AEBP2: variants seen among roughly 807,000 people sequenced by gnomAD.
The protein encoded by AEBP2 is AE binding protein 2.
AEBP2 carries 10 observed loss-of-function variants against 50.8 expected under a neutral mutation model. The observed-to-expected ratio is 0.20, with a 90% CI of 0.12 to 0.33. The LOEUF (loss-of-function observed/expected upper bound fraction) is 0.33. AEBP2 is among the 10% of genes least tolerant of loss of function. The pLI is 1.00. For synonymous variants in AEBP2, 296 were observed against 261.3 expected (o/e 1.13, Z -1.28); for missense variants, 570 against 688.0 (o/e 0.83, Z 1.92).
chr12:19,494,056 T>C lies in AEBP2; in HGVS notation c.1174+70T>C, dbSNP rs1050288225. ...AAGATATCTTAGACTTTTATGCAAATCCACTTTGAACTTCAACTCCTCTTC... is the reference window on the plus strand; with the variant it reads ...AAGATATCTTAGACTTTTATGCAAACCCACTTTGAACTTCAACTCCTCTTC... On this transcript the variant is annotated intron_variant, in intron 4 of 7. Transcript: ENST00000266508. 2.8e-6 allele frequency: 4 copies of C among 1,430,690 alleles called. No homozygotes were observed. The African/African-American group carries it at 5.7e-5, about 21-fold the overall frequency. 88.6% of individuals were successfully genotyped at this position (1,430,690 alleles called of 1,614,324 possible).
intron 2 of AEBP2, among the ~76,000 whole-genome samples, chr12:19,472,581 G>A (rs992194452): frequency 9.2e-5 from 14 of 152,054 alleles, no homozygotes; most frequent in African/African-American, 2.4e-4. Context: ...TTAATATTTC[G>A]TATTCTATTT....
intron 2 of AEBP2, among the ~76,000 whole-genome samples, chr12:19,469,977 TAGG>T (rs1835010505): frequency 6.6e-6 from 1 of 152,174 alleles, no homozygotes; most frequent in African/African-American, 2.4e-5. Flanking sequence ...ATTTTAACAG[TAGG>T]AGAGTTTCTA....
intron 3 of AEBP2, among the ~76,000 whole-genome samples, chr12:19,481,642 C>T (rs1433829146): frequency 6.6e-6 from 1 of 152,008 alleles, no homozygotes; most frequent in African/African-American, 2.4e-5. Flanking sequence ...ACATGCCTGG[C>T]TAAATTTTGT....
At chr12:19,430,157 G>C (rs1025670515) in intron 1 of AEBP2, among the ~76,000 whole-genome samples, 2 of 152,102 alleles carry the variant, frequency 1.3e-5, no homozygotes, top group Non-Finnish European at 2.9e-5. Flanking sequence ...TTTTGTATAA[G>C]GTGTAAGGAA....
chr12:19,476,344 T>C (rs983203161), intron 3 of AEBP2, among the ~76,000 whole-genome samples: 1 of 152,020 alleles, frequency 6.6e-6, no homozygotes, highest in African/African-American at 2.4e-5. Flanking sequence ...TTATGGTTTT[T>C]AGTTTTTATT....
chr12:19,491,349 A>G (rs987982457), intron 3 of AEBP2, among the ~76,000 whole-genome samples: 3 of 152,290 alleles, frequency 2.0e-5, no homozygotes, highest in East Asian at 3.9e-4. Context: ...TTTCAGAGCA[A>G]TGAATATGGC....
chr12:19,443,155 G>T (rs1358099098), intron 1 of AEBP2, among the ~76,000 whole-genome samples: 1 of 151,400 alleles, frequency 6.6e-6, no homozygotes. Flanking sequence ...GGAGTGCAGT[G>T]GTACGATCTC....
intron 3 of AEBP2, among the ~76,000 whole-genome samples, chr12:19,474,521 G>A (rs1948619491): frequency 6.6e-6 from 1 of 151,800 alleles, no homozygotes; most frequent in Non-Finnish European, 1.5e-5. Context: ...ATTATTATTT[G>A]TTTCTTGTGA....
chr12:19,422,714 A>C (rs1486749075), intron 1 of AEBP2, among the ~76,000 whole-genome samples: 1 of 151,850 alleles, frequency 6.6e-6, no homozygotes, highest in Non-Finnish European at 1.5e-5. Flanking sequence ...TTCCAGATAT[A>C]TGGGAGGGTA....
chr12:19,408,509 A>G (rs1732897774), intron 1 of AEBP2, among the ~76,000 whole-genome samples: 1 of 151,204 alleles, frequency 6.6e-6, no homozygotes, highest in Non-Finnish European at 1.5e-5. Flanking sequence ...AGATTGCACC[A>G]CTGCGCTCCA....
At chr12:19,444,569 A>G (rs1031407164) in intron 1 of AEBP2, among the ~76,000 whole-genome samples, 1 of 152,178 alleles carries the variant, frequency 6.6e-6, no homozygotes, top group Admixed American at 6.5e-5. Flanking sequence ...GCAAATCTTA[A>G]TATTACTGCC....
chr12:19,466,381 A>G (rs887123657), intron 2 of AEBP2, among the ~76,000 whole-genome samples: 5 of 152,108 alleles, frequency 3.3e-5, no homozygotes, highest in African/African-American at 1.2e-4. Context: ...GCTTGAGCCC[A>G]GGAGGTTGAG....
chr12:19,417,147 C>T (rs2095743072), intron 1 of AEBP2, among the ~76,000 whole-genome samples: 1 of 151,942 alleles, frequency 6.6e-6, no homozygotes. Context: ...GCTGGGATTA[C>T]AGGCGTAAAC....
At chr12:19,477,944 C>G (rs1948673498) in intron 3 of AEBP2, among the ~76,000 whole-genome samples, 3 of 152,216 alleles carry the variant, frequency 2.0e-5, no homozygotes, top group Admixed American at 2.0e-4. Flanking sequence ...AGTTTATCCT[C>G]TCCTCTACAT....
chr12:19,438,491 C>G (rs934016849), upstream of AEBP2, among the ~76,000 whole-genome samples: 1 of 152,138 alleles, frequency 6.6e-6, no homozygotes, highest in Non-Finnish European at 1.5e-5. Context: ...CACTGAAGGT[C>G]ATAATGTATA....
At chr12:19,485,756 T>C (rs1948799092) in intron 3 of AEBP2, among the ~76,000 whole-genome samples, 1 of 151,096 alleles carries the variant, frequency 6.6e-6, no homozygotes, top group Admixed American at 6.6e-5. Context: ...AGGGAACTTG[T>C]AGTCTCTGGG....
intron 3 of AEBP2, among the ~76,000 whole-genome samples, chr12:19,489,760 A>C (rs1948867366): frequency 6.6e-6 from 1 of 152,132 alleles, no homozygotes; most frequent in African/African-American, 2.4e-5. Flanking sequence ...GTTGATGCCT[A>C]AAATTATTTT....
chr12:19,518,366 T>C lies in AEBP2; in HGVS notation c.*249T>C. On this transcript the variant is annotated 3_prime_UTR_variant, in exon 8 of 8. Transcript: ENST00000266508. ...TTCATGGAATGGTACTGTGGGAGAC[T>C]GAGCAAACACTCTTTTGGCAACTTA... The C allele has an allele frequency of 8.1e-7, 1 of 1,233,326 alleles. No individual in the cohort carries two copies. Among genetic ancestry groups the C allele is most frequent in the Non-Finnish European group, 1.0e-6 (1 of 987,012 alleles). 76.4% of individuals were successfully genotyped at this position (1,233,326 alleles called of 1,614,324 possible).
At chr12:19,478,993 T>C (rs1292415983) in intron 3 of AEBP2, among the ~76,000 whole-genome samples, 1 of 152,118 alleles carries the variant, frequency 6.6e-6, no homozygotes, top group Non-Finnish European at 1.5e-5. Context: ...TGGATTGCTT[T>C]AGCTCAGGAG....
Sources: allele counts gnomAD v4.1 joint callset (sites outside exome capture counted in the v4.1 genomes callset), GRCh38; gene constraint gnomAD v4.1.1; transcripts MANE v1.5; gene names NCBI Gene and HGNC (gene_info 2026-07-23, HGNC 2026-07-21).